Variants in SHC4 observed in about 807,000 individuals in gnomAD.
SHC4 encodes SHC-transforming protein 4.
In SHC4, 41 loss-of-function variants were observed where a neutral mutation model predicts 69.4. The ratio of observed to expected loss-of-function variants is 0.59; its 90% CI spans 0.46 to 0.77. The LOEUF is 0.77. SHC4 is among the 30% of genes least tolerant of loss of function. The pLI, the probability that SHC4 is intolerant of heterozygous loss-of-function variation, is 0.00. For missense variants in SHC4, 777 were observed against 783.8 expected, an observed-to-expected ratio of 0.99 and a Z score of 0.10; for synonymous variants, 318 against 299.3, an observed-to-expected ratio of 1.06 and a Z score of -0.64.
At chr15:48,920,746 A>G (rs1247735503) in intron 2 of SHC4, among the ~76,000 whole-genome samples, 4 of 152,144 alleles carry the variant, frequency 2.6e-5, no homozygotes, top group African/African-American at 7.2e-5. Flanking sequence ...AAATATAATC[A>G]AGATATATAT....
chr15:48,959,726 G>T (rs1355200353), intron 1 of SHC4, among the ~76,000 whole-genome samples: 2 of 152,138 alleles, frequency 1.3e-5, no homozygotes, highest in Non-Finnish European at 1.5e-5. Context: ...CACAACTTTG[G>T]TTCATTTGGT....
At chr15:48,919,240 C>A (rs17468631) in intron 2 of SHC4, among the ~76,000 whole-genome samples, 5,240 of 150,632 alleles carry the variant, frequency 0.035, 129 homozygotes, top group Middle Eastern at 0.08. Context: ...AATGTTTTTG[C>A]ATCCACTCTT....
rs559975546 is a variant in SHC4, at chr15:48,961,397, C to T, written c.585+1034G>A. Among the ~76,000 whole-genome samples, 12 of 152,298 alleles carry T rather than the reference C, an allele frequency of 7.9e-5. No homozygotes were observed. The East Asian group carries it at 2.1e-3, about 27-fold the overall frequency. ...TCAACTCATACTTGTTTGAGTACTA[C>T]AAGCCACCCCCTCCCTCAGTCACCC... On this transcript the variant is annotated intron_variant, in intron 1 of 11. Coordinates refer to ENST00000332408, the MANE Select transcript of SHC4 (RefSeq NM_203349.4).
chr15:48,915,391 T>C (rs146409518), intron 2 of SHC4, among the ~76,000 whole-genome samples: 14 of 152,348 alleles, frequency 9.2e-5, no homozygotes, highest in African/African-American at 3.1e-4. Context: ...AGGAATTTAG[T>C]TGGCTATTTC....
intron 1 of SHC4, among the ~76,000 whole-genome samples, chr15:48,958,768 G>A (rs1901493517): frequency 1.3e-5 from 2 of 152,186 alleles, no homozygotes; most frequent in South Asian, 2.1e-4. Flanking sequence ...TGGATGAATG[G>A]ACTTGGAAAG....
At chr15:48,935,741 T>G (rs1166634891) in intron 1 of SHC4, among the ~76,000 whole-genome samples, 1 of 152,050 alleles carries the variant, frequency 6.6e-6, no homozygotes, top group Non-Finnish European at 1.5e-5. Flanking sequence ...TCTCCTGCCC[T>G]GGAATAGGGA....
intron 2 of SHC4, among the ~76,000 whole-genome samples, chr15:48,914,705 A>G (rs934741): frequency 0.64 from 97,124 of 152,094 alleles, 32,121 homozygotes; most frequent in South Asian, 0.78. Context: ...CAGTACTCCA[A>G]AAATATAAGT....
At chr15:48,852,782 A>G (rs948740241) in intron 8 of SHC4, among the ~76,000 whole-genome samples, 2 of 151,958 alleles carry the variant, frequency 1.3e-5, no homozygotes, top group Non-Finnish European at 2.9e-5. Context: ...TGCACCTGTA[A>G]TCCCAGCTAC....
At chr15:48,888,773 C>CA (rs2141004766) in intron 3 of SHC4, among the ~76,000 whole-genome samples, 1 of 150,052 alleles carries the variant, frequency 6.7e-6, no homozygotes, top group Admixed American at 6.7e-5. Context: ...CACATGATTG[C>CA]AATCCCAGAT....
At position 48,924,738 on chromosome 15, in the gene SHC4, C is replaced by A. The variant is rs1391818842; in HGVS notation, c.656+141G>T. On this transcript the variant is annotated intron_variant, in intron 2 of 11. Transcript: ENST00000332408. Reference sequence around the variant, plus strand: ...TGAGATCAAGCCACTCATTGAAGGTCACTGGGCGAGCCTTCTACACTCCAG... The same window carrying A: ...TGAGATCAAGCCACTCATTGAAGGTAACTGGGCGAGCCTTCTACACTCCAG... The A allele has an allele frequency of 4.2e-5, 32 of 770,818 alleles. 1 individual carries two copies. In the South Asian group the frequency reaches 5.2e-4, roughly 13 times the overall value. The allele number at this position is 770,818 out of a possible 1,614,324, so 47.7% of individuals were successfully genotyped here. A position where few individuals can be genotyped will look rare whatever the true frequency, so the allele number is the denominator to read the frequency against.
intron 1 of SHC4, among the ~76,000 whole-genome samples, chr15:48,960,833 A>G (rs1312607720): frequency 1.3e-5 from 2 of 152,220 alleles, no homozygotes; most frequent in Non-Finnish European, 2.9e-5. Flanking sequence ...ACTCTGCTTC[A>G]GTCATTGGCA....
At chr15:48,853,805 G>C (rs963257174) in intron 8 of SHC4, among the ~76,000 whole-genome samples, 50 of 151,928 alleles carry the variant, frequency 3.3e-4, no homozygotes, top group African/African-American at 1.1e-3. Flanking sequence ...AATGAAACTG[G>C]GCCCTTACTT....
At chr15:48,856,163 A>T in intron 7 of SHC4, 39 bp from the exon 8 acceptor site, 1 of 1,581,018 alleles carries the variant, frequency 6.3e-7, no homozygotes. Flanking sequence ...GCTGGGCGAA[A>T]ATTCAAATAC....
rs115568332 is a variant in SHC4, at chr15:48,926,349, T to C, written c.586-1400A>G. On this transcript the variant is annotated intron_variant, in intron 1 of 11. Coordinates refer to ENST00000332408, the MANE Select transcript of SHC4 (RefSeq NM_203349.4). ...GATATGCTCCCTGTTTAGCTTTCCT[T>C]TGGAGGCTTTCCAGCCTCTCTATGC... Among the ~76,000 whole-genome samples, 1,516 of 152,332 alleles carry C rather than the reference T, an allele frequency of 1.0e-2. 33 individuals carry two copies. The highest frequency in any genetic ancestry group is 0.035 in the African/African-American group (1,464 of 41,566).
At chr15:48,944,875 G>A (rs1173989011) in intron 1 of SHC4, among the ~76,000 whole-genome samples, 1 of 152,172 alleles carries the variant, frequency 6.6e-6, no homozygotes, top group Non-Finnish European at 1.5e-5. Context: ...TTATCTGAAA[G>A]TAGAGTCTTT....
At chr15:48,840,814 A>G (rs1348715601) in intron 10 of SHC4, among the ~76,000 whole-genome samples, 1 of 152,318 alleles carries the variant, frequency 6.6e-6, no homozygotes. Context: ...CAAGGAGCCC[A>G]AGAGCGCTAT....
chr15:48,856,888 G>A (rs1899329121), intron 7 of SHC4, among the ~76,000 whole-genome samples: 1 of 151,824 alleles, frequency 6.6e-6, no homozygotes, highest in Admixed American at 6.6e-5. Flanking sequence ...ATAGCACTAA[G>A]ACAGAAGTGC....
intron 1 of SHC4, among the ~76,000 whole-genome samples, chr15:48,943,039 T>G (rs1901203542): frequency 6.6e-6 from 1 of 152,220 alleles, no homozygotes; most frequent in Non-Finnish European, 1.5e-5. Flanking sequence ...AAAGTCTCAC[T>G]GAAGAACTGA....
At position 48,825,488 on chromosome 15, in the gene SHC4, C is replaced by T. The variant is rs1013056258; in HGVS notation, c.*483G>A. 3.3e-5 allele frequency: 5 copies of T among 152,936 alleles called. No homozygotes were observed. The highest frequency in any genetic ancestry group is 1.2e-4 in the African/African-American group (5 of 41,386). The allele number at this position is 152,936 out of a possible 1,614,324, so 9.5% of individuals were successfully genotyped here. A position where few individuals can be genotyped will look rare whatever the true frequency, so the allele number is the denominator to read the frequency against. On this transcript the variant is annotated 3_prime_UTR_variant, in exon 12 of 12. Transcript: ENST00000332408. ...AGAAAATGTAATAAAGTCAATAAGG[C>T]TCAAGAAAATTGCTTATTTTTTGTA...
Sources: allele counts gnomAD v4.1 joint callset (sites outside exome capture counted in the v4.1 genomes callset), GRCh38; gene constraint gnomAD v4.1.1; transcripts MANE v1.5; gene names NCBI Gene and HGNC (gene_info 2026-07-23, HGNC 2026-07-21).